Variants in SLC9A4 observed in about 807,000 individuals in gnomAD.
The protein encoded by SLC9A4 is solute carrier family 9 member A4.
A neutral mutation model predicts 67.4 loss-of-function variants in SLC9A4; 63 were observed. The ratio of observed to expected loss-of-function variants is 0.93; its 90% confidence interval spans 0.76 to 1.15. The LOEUF (loss-of-function observed/expected upper bound fraction) is 1.15. Among genes scored for constraint, SLC9A4 ranks in the 50% most tolerant of loss-of-function variants. The pLI, the probability that SLC9A4 is intolerant of heterozygous loss-of-function variation, is 0.00. For synonymous variants in SLC9A4, 393 were observed against 367.2 expected (o/e 1.07, Z -0.80); for missense variants, 1,089 against 987.7 (o/e 1.10, Z -1.38).
At position 102,503,555 on chromosome 2, in the gene SLC9A4, A is replaced by G. The variant is rs1291581263; in HGVS notation, c.828A>G (p.Gly276=). The change falls in exon 3 of 12, where the codon GGA becomes GGG. Residue 276 remains glycine, a synonymous_variant. Transcript: ENST00000295269. ...GCARFIVVGL[G]GVLFGIVFGF... is the part of the protein sequence containing the mutation. The stretch of plus-strand genomic sequence containing the variant: ...CCCGATTCATCGTTGTGGGGCTTGG[A>G]GGGGTATTGTTTGGCATCGTTTTTG... 1.2e-6 allele frequency: 2 copies of G among 1,613,922 alleles called. No homozygotes were observed. Among genetic ancestry groups the G allele is most frequent in the African/African-American group, 1.3e-5 (1 of 74,844 alleles).
chr2:102,507,352 G>C (rs1383789914), intron 4 of SLC9A4, among the ~76,000 whole-genome samples: 1 of 152,222 alleles, frequency 6.6e-6, no homozygotes, highest in Non-Finnish European at 1.5e-5. Flanking sequence ...ATTCATCAGA[G>C]CTTTAGTGAG....
chr2:102,525,045 A>G lies in SLC9A4; in HGVS notation c.1840A>G (p.Asn614Asp), dbSNP rs773663601. 8.7e-6 allele frequency: 14 copies of G among 1,613,968 alleles called. No homozygotes were observed. Among genetic ancestry groups the G allele is most frequent in the Non-Finnish European group, 7.6e-6 (9 of 1,179,982 alleles). The change falls in exon 10 of 12, where the codon AAC (asparagine) becomes GAC (aspartate). Residue 614 changes from asparagine (N) to aspartate (D), a missense_variant. By Grantham distance (23) the Asn-to-Asp change is conservative (BLOSUM62 1). Coordinates refer to ENST00000295269, the MANE Select transcript of SLC9A4 (RefSeq NM_001011552.4). ...GCAGACCCTGTCCTACAACAAATAC[A>G]ACCTCAAACCCCAAACAAGTGAGAA... ...RQRTLSYNKY[N>D]LKPQTSEKQA...
chr2:102,483,241 G>A (rs898842929), intron 2 of SLC9A4, among the ~76,000 whole-genome samples: 2 of 152,218 alleles, frequency 1.3e-5, no homozygotes, highest in African/African-American at 4.8e-5. Context: ...AGCACAGTGA[G>A]TATTAAGTGT....
chr2:102,505,242 C>T lies in SLC9A4; in HGVS notation c.981-12C>T, dbSNP rs765709341. 5.0e-6 allele frequency: 8 copies of T among 1,611,710 alleles called. No individual in the cohort carries two copies. The highest frequency in any genetic ancestry group is 6.8e-6 in the Non-Finnish European group (8 of 1,178,726). On this transcript the variant is annotated splice_polypyrimidine_tract_variant and intron_variant, in intron 3 of 11. Coordinates refer to ENST00000295269, the MANE Select transcript of SLC9A4 (RefSeq NM_001011552.4). ...CTCATGGATTTTCTCTGAGACTCTG[C>T]TCCTTTTATAGAATCACAGCCTGCG...
chr2:102,513,109 G>T (rs952256888), intron 7 of SLC9A4, among the ~76,000 whole-genome samples: 1 of 152,188 alleles, frequency 6.6e-6, no homozygotes, highest in African/African-American at 2.4e-5. Flanking sequence ...GGGTGTTATG[G>T]TTGGGGAGGT....
At chr2:102,531,715 A>G (rs986634501) in intron 11 of SLC9A4, among the ~76,000 whole-genome samples, 7 of 152,202 alleles carry the variant, frequency 4.6e-5, no homozygotes, top group African/African-American at 2.4e-5. Flanking sequence ...AGTGACAGGC[A>G]TATAGTAAAT....
In SLC9A4 at chr2:102,503,446, A is replaced by G; in HGVS notation, c.721-2A>G. ...TATTTGTTTACTCTCTTTTTTGCCT[A>G]GGTCTTATACAATATGTTAATTGCC... On this transcript the variant is annotated splice_acceptor_variant, in intron 2 of 11. Coordinates refer to ENST00000295269, the MANE Select transcript of SLC9A4 (RefSeq NM_001011552.4). LOFTEE classifies it high-confidence loss of function. 1.9e-6 allele frequency: 3 copies of G among 1,580,052 alleles called. No homozygotes were observed. Among genetic ancestry groups the G allele is most frequent in the Non-Finnish European group, 2.6e-6 (3 of 1,160,170 alleles).
chr2:102,515,827 C>T (rs1685266028), intron 8 of SLC9A4, among the ~76,000 whole-genome samples: 1 of 152,134 alleles, frequency 6.6e-6, no homozygotes, highest in African/African-American at 2.4e-5. Flanking sequence ...GAAGCAGACA[C>T]AGGCCTTGCC....
chr2:102,510,286 G>GAT (rs1553413638), intron 6 of SLC9A4, among the ~76,000 whole-genome samples: 2 of 152,084 alleles, frequency 1.3e-5, no homozygotes, highest in African/African-American at 2.4e-5. Flanking sequence ...TATAGATATA[G>GAT]ATATAGATAT....
chr2:102,519,860 G>T lies in SLC9A4; in HGVS notation c.1723G>T (p.Ala575Ser). Residue 575 changes from alanine to serine, a missense_variant and splice_region_variant, in exon 9 of 12, where the codon GCC becomes TCC. Ala to Ser is a moderately conservative substitution (Grantham distance 99, BLOSUM62 1). Transcript: ENST00000295269. ...SSTAFSIPHQ[A>S]QRIQGIKRLS... The stretch of plus-strand genomic sequence containing the variant: ...TCTCTTCTCCAATAATGATTCCAGG[G>T]CCCAGAGGATACAAGGAATCAAAAG... 3 of 1,613,438 alleles carry T rather than the reference G, an allele frequency of 1.9e-6. No individual in the cohort carries two copies. Among genetic ancestry groups the T allele is most frequent in the South Asian group, 1.1e-5 (1 of 91,048 alleles).
chr2:102,499,256 G>A (rs1684872925), intron 2 of SLC9A4, among the ~76,000 whole-genome samples: 1 of 151,822 alleles, frequency 6.6e-6, no homozygotes, highest in Non-Finnish European at 1.5e-5. Context: ...TAGAGAGATG[G>A]ATGATAGACA....
chr2:102,488,617 C>T (rs1022403081), intron 2 of SLC9A4, among the ~76,000 whole-genome samples: 5 of 149,752 alleles, frequency 3.3e-5, no homozygotes, highest in Admixed American at 1.3e-4. Flanking sequence ...GGCGCGATCT[C>T]AGCTCACTGT....
intron 3 of SLC9A4, among the ~76,000 whole-genome samples, chr2:102,504,560 C>A (rs1346418783): frequency 2.6e-5 from 4 of 152,170 alleles, no homozygotes; most frequent in African/African-American, 9.6e-5. Flanking sequence ...GGCTTCTCAG[C>A]TTGGCTTATT....
Position 102,473,630 on chromosome 2 carries a change from G to T in SLC9A4, c.-130G>T. 1 of 1,135,890 alleles carries T rather than the reference G, an allele frequency of 8.8e-7. No individual in the cohort carries two copies. 70.4% of individuals were successfully genotyped at this position (1,135,890 alleles called of 1,614,324 possible). A position where few individuals can be genotyped will look rare whatever the true frequency, so the allele number is the denominator to read the frequency against. On this transcript the variant is annotated 5_prime_UTR_variant, in exon 1 of 12. Transcript: ENST00000295269. ...TCAATAACACACTCGGAATCTTCTT[G>T]GGAGGACCCACAGACTGTACCTATA...
chr2:102,481,211 G>T (rs796725849), intron 2 of SLC9A4, among the ~76,000 whole-genome samples: 19 of 152,180 alleles, frequency 1.2e-4, no homozygotes, highest in African/African-American at 4.6e-4. Flanking sequence ...CTTAATTTCA[G>T]GCCCTGGAAC....
Position 102,532,587 on chromosome 2 carries a change from G to C in SLC9A4, c.2296G>C (p.Gly766Arg). ...EEGESGGESE[G>R]KASLVEVRSR... is the part of the protein sequence containing the mutation. ...GGGTGAGTCTGGAGGGGAGAGTGAG[G>C]GCAAGGCCTCTTTGGTTGAGGTTCG... Residue 766 changes from glycine to arginine, a missense_variant, in exon 12 of 12, where the codon GGC becomes CGC. Coordinates refer to ENST00000295269, the MANE Select transcript of SLC9A4 (RefSeq NM_001011552.4). 6.2e-7 allele frequency: 1 copy of C among 1,614,004 alleles called. No individual in the cohort carries two copies. The highest frequency in any genetic ancestry group is 1.1e-5 in the South Asian group (1 of 91,064).
At chr2:102,515,121 G>T (rs754936811) in intron 8 of SLC9A4, among the ~76,000 whole-genome samples, 4 of 151,986 alleles carry the variant, frequency 2.6e-5, no homozygotes, top group Admixed American at 2.0e-4. Context: ...CATATATTTA[G>T]GATAAGGAAC....
intron 2 of SLC9A4, among the ~76,000 whole-genome samples, chr2:102,492,284 G>A (rs115124483): frequency 6.6e-6 from 1 of 152,356 alleles, no homozygotes; most frequent in Non-Finnish European, 1.5e-5. Flanking sequence ...GAGTCTGTGT[G>A]GGGGCTCCAA....
chr2:102,475,914 A>G (rs899717137), intron 1 of SLC9A4, among the ~76,000 whole-genome samples: 20 of 152,234 alleles, frequency 1.3e-4, no homozygotes, highest in African/African-American at 4.8e-4. Context: ...ATTATGTTAT[A>G]AAACATGAAT....
Sources: gnomAD v4.1 joint callset for allele counts (sites outside exome capture counted in the v4.1 genomes callset) on GRCh38, gnomAD v4.1.1 for gene constraint, MANE v1.5 for transcripts, NCBI Gene and HGNC (gene_info 2026-07-23, HGNC 2026-07-21) for gene names.